DYM: variants seen among roughly 807,000 people sequenced by gnomAD.
The protein encoded by DYM is dymeclin.
In DYM, 78 loss-of-function variants were observed where a neutral mutation model predicts 93.1. That is an observed-to-expected ratio of 0.84 (90% confidence interval 0.70 to 1.01). The LOEUF (loss-of-function observed/expected upper bound fraction) is 1.01. Ranked by LOEUF, DYM falls within the 50% of genes least tolerant of loss-of-function variation. The pLI, the probability that DYM is intolerant of heterozygous loss-of-function variation, is 0.00. For missense variants in DYM, 789 were observed against 845.0 expected (o/e 0.93, Z 0.82); for synonymous variants, 321 against 319.7 (o/e 1.00, Z -0.04).
At chr18:49,246,260 G>C (rs181278189) in intron 13 of DYM, among the ~76,000 whole-genome samples, 1 of 152,276 alleles carries the variant, frequency 6.6e-6, no homozygotes, top group Admixed American at 6.5e-5. Context: ...GATTCAGTAT[G>C]TATTTACATT....
At chr18:49,161,135 C>G (rs755023381) in intron 15 of DYM, among the ~76,000 whole-genome samples, 16 of 150,516 alleles carry the variant, frequency 1.1e-4, no homozygotes. Flanking sequence ...ATGGAATTTT[C>G]CCACTATTTC....
At chr18:49,379,832 T>C (rs2086041103) in intron 3 of DYM, 74 bp from the exon 4 acceptor site, 13 of 1,200,474 alleles carry the variant, frequency 1.1e-5, no homozygotes, top group South Asian at 2.5e-5. Context: ...ATAACATTTA[T>C]AAAACCAAAT....
chr18:49,313,161 T>C (rs1181193329), intron 8 of DYM, among the ~76,000 whole-genome samples: 1 of 151,930 alleles, frequency 6.6e-6, no homozygotes, highest in Non-Finnish European at 1.5e-5. Context: ...ATAAAGACCT[T>C]GCTGATAAAA....
At chr18:49,347,988 A>C (rs2064747214) in intron 6 of DYM, among the ~76,000 whole-genome samples, 1 of 152,236 alleles carries the variant, frequency 6.6e-6, no homozygotes, top group African/African-American at 2.4e-5. Context: ...GAAATGTCCT[A>C]GAACAAACCA....
chr18:49,236,217 A>G (rs2093856448), intron 13 of DYM, among the ~76,000 whole-genome samples: 1 of 152,202 alleles, frequency 6.6e-6, no homozygotes, highest in Admixed American at 6.5e-5. Flanking sequence ...ACAGTGGCTC[A>G]CACCTGTAAT....
chr18:49,402,864 C>T (rs146166288), intron 2 of DYM, among the ~76,000 whole-genome samples: 119 of 152,248 alleles, frequency 7.8e-4, no homozygotes, highest in African/African-American at 2.6e-3. Context: ...TAATGGAAAG[C>T]GATCGATTTT....
chr18:49,232,975 T>A (rs2093752030), intron 13 of DYM, among the ~76,000 whole-genome samples: 1 of 152,176 alleles, frequency 6.6e-6, no homozygotes, highest in Non-Finnish European at 1.5e-5. Context: ...GGTATTTAGA[T>A]GTTGTAAGAA....
chr18:49,171,743 G>C (rs1047608979), intron 14 of DYM, among the ~76,000 whole-genome samples: 1 of 148,274 alleles, frequency 6.7e-6, no homozygotes, highest in Admixed American at 6.7e-5. Flanking sequence ...CCATACCACC[G>C]ATTCCACACC....
rs1224461354 is a variant in DYM, at chr18:49,041,432, A to C, written c.*2623T>G. On this transcript the variant is annotated 3_prime_UTR_variant, in exon 18 of 18. Coordinates refer to ENST00000675505, the MANE Select transcript of DYM (RefSeq NM_001353214.3). ...ATTACACATTTTTACTTCGTGTAAA[A>C]ATTTCTAAGCAAACTAATACTCAAA... 1 of 152,228 alleles carries C rather than the reference A, an allele frequency of 6.6e-6. No homozygotes were observed. Among genetic ancestry groups the C allele is most frequent in the Non-Finnish European group, 1.5e-5 (1 of 68,032 alleles). The allele number at this position is 152,228 out of a possible 1,614,324, so 9.4% of individuals were successfully genotyped here.
chr18:49,188,854 T>C (rs2090701027), intron 14 of DYM, among the ~76,000 whole-genome samples: 1 of 152,018 alleles, frequency 6.6e-6, no homozygotes, highest in African/African-American at 2.4e-5. Context: ...AAAAAAAGAA[T>C]ATGGGTACAA....
At position 49,430,182 on chromosome 18, in the gene DYM, T is replaced by C. The variant is rs1472751774; in HGVS notation, c.140+73A>G. 6.3e-6 allele frequency: 9 copies of C among 1,428,782 alleles called. No homozygotes were observed. The East Asian group carries it at 1.4e-4, about 22-fold the overall frequency. 88.5% of individuals were successfully genotyped at this position (1,428,782 alleles called of 1,614,324 possible). On this transcript the variant is annotated intron_variant, in intron 2 of 17. Transcript: ENST00000675505. ...AGATAGACAGAACATTTCTAAATTT[T>C]TTTTTAATCAGCATACCACACAAGT...
Position 49,295,381 on chromosome 18 carries a change from C to G in DYM, c.764-8765G>C, listed in dbSNP as rs374836262. Among the ~76,000 whole-genome samples the G allele has an allele frequency of 1.3e-4, 20 of 152,322 alleles. No homozygotes were observed. In the South Asian group the frequency reaches 4.1e-3, roughly 32 times the overall value. On this transcript the variant is annotated intron_variant, in intron 8 of 17. Transcript: ENST00000675505. Reference sequence around the variant, plus strand: ...TCTTTCTTGAAGCAACAAAATATGTCTGCATGACTAAATTCCAACAAATGG... The same window carrying G: ...TCTTTCTTGAAGCAACAAAATATGTGTGCATGACTAAATTCCAACAAATGG...
intron 14 of DYM, among the ~76,000 whole-genome samples, chr18:49,168,639 C>A (rs1051106186): frequency 1.3e-5 from 2 of 152,018 alleles, no homozygotes; most frequent in Non-Finnish European, 2.9e-5. Flanking sequence ...GAAGCTAATT[C>A]TTACAAAATA....
At chr18:49,373,833 T>G (rs1301373312) in intron 5 of DYM, among the ~76,000 whole-genome samples, 2 of 152,152 alleles carry the variant, frequency 1.3e-5, no homozygotes, top group Admixed American at 1.3e-4. Flanking sequence ...GGATAAACAT[T>G]CACTCCATTC....
chr18:49,385,770 A>G (rs569384682), intron 3 of DYM, among the ~76,000 whole-genome samples: 6 of 151,974 alleles, frequency 3.9e-5, no homozygotes, highest in Non-Finnish European at 8.8e-5. Flanking sequence ...TAAACACAAA[A>G]AGCCTAACAA....
intron 17 of DYM, among the ~76,000 whole-genome samples, chr18:49,074,703 A>G (rs1008008449): frequency 1.3e-5 from 2 of 152,252 alleles, no homozygotes; most frequent in African/African-American, 2.4e-5. Context: ...ACAGAGCTAC[A>G]AATGACTACC....
At chr18:49,391,832 C>T (rs1421827408) in intron 2 of DYM, among the ~76,000 whole-genome samples, 187 bp from the exon 3 acceptor site, 1 of 151,830 alleles carries the variant, frequency 6.6e-6, no homozygotes, top group Non-Finnish European at 1.5e-5. Flanking sequence ...AGGAAATTTA[C>T]TGTATTTCTA....
At chr18:49,321,409 G>C in intron 8 of DYM, 1 of 398,116 alleles carries the variant, frequency 2.5e-6, no homozygotes, top group South Asian at 1.3e-4. Flanking sequence ...TAGAAGGTGG[G>C]CTTAATGATT....
chr18:49,112,082 G>A (rs1248638894), intron 16 of DYM, among the ~76,000 whole-genome samples: 2 of 144,876 alleles, frequency 1.4e-5, no homozygotes, highest in African/African-American at 5.0e-5. Flanking sequence ...TGCCCCGAGG[G>A]CAACAAGGTT....
Sources: gnomAD v4.1 joint callset for allele counts (sites outside exome capture counted in the v4.1 genomes callset) on GRCh38, gnomAD v4.1.1 for gene constraint, MANE v1.5 for transcripts, NCBI Gene and HGNC (gene_info 2026-07-23, HGNC 2026-07-21) for gene names.